ATP9B: variants seen among roughly 807,000 people sequenced by gnomAD.
ATP9B encodes the protein probable phospholipid-transporting ATPase IIB.
ATP9B carries 110 observed loss-of-function variants against 146.1 expected under a neutral mutation model. The observed-to-expected ratio is 0.75, with a 90% confidence interval of 0.65 to 0.88. The LOEUF is 0.88. Ranked by LOEUF, ATP9B falls within the 40% of genes least tolerant of loss-of-function variation. ATP9B has a pLI of 0.00. For missense variants in ATP9B, 1,499 were observed against 1,496.4 expected, an observed-to-expected ratio of 1.00 and a Z score of -0.03; for synonymous variants, 604 against 569.7, an observed-to-expected ratio of 1.06 and a Z score of -0.86.
intron 5 of ATP9B, among the ~76,000 whole-genome samples, chr18:79,128,121 G>A (rs1169777474): frequency 1.4e-5 from 2 of 141,388 alleles, no homozygotes; most frequent in African/African-American, 2.6e-5. Flanking sequence ...GTGCAGTGGC[G>A]CAACCTCTGC....
chr18:79,272,661 C>G (rs1417212899), intron 12 of ATP9B, among the ~76,000 whole-genome samples: 1 of 152,216 alleles, frequency 6.6e-6, no homozygotes, highest in Non-Finnish European at 1.5e-5. Context: ...TGCTCCTCTC[C>G]CTGAGCCCTC....
At chr18:79,241,547 G>C (rs2095889282) in intron 11 of ATP9B, among the ~76,000 whole-genome samples, 1 of 152,140 alleles carries the variant, frequency 6.6e-6, no homozygotes. Context: ...GCTGTTTCTA[G>C]CTCTAACTAC....
At chr18:79,175,463 C>T (rs1043923965) in intron 7 of ATP9B, among the ~76,000 whole-genome samples, 22 of 152,306 alleles carry the variant, frequency 1.4e-4, no homozygotes, top group Non-Finnish European at 2.5e-4. Flanking sequence ...TACACACATA[C>T]ATGCGTACAC....
intron 4 of ATP9B, among the ~76,000 whole-genome samples, chr18:79,122,014 G>GA (rs1421133616): frequency 6.6e-6 from 1 of 152,094 alleles, no homozygotes; most frequent in African/African-American, 2.4e-5. Flanking sequence ...AGTTTAAAGG[G>GA]GTGAAAATTA....
intron 5 of ATP9B, among the ~76,000 whole-genome samples, chr18:79,134,073 C>T (rs759046844): frequency 6.6e-6 from 1 of 152,226 alleles, no homozygotes; most frequent in African/African-American, 2.4e-5. Flanking sequence ...ATGTGACTCT[C>T]CAGCTCCCTG....
At chr18:79,100,363 C>T (rs1293607123) in intron 2 of ATP9B, among the ~76,000 whole-genome samples, 1 of 152,136 alleles carries the variant, frequency 6.6e-6, no homozygotes, top group Non-Finnish European at 1.5e-5. Flanking sequence ...TCATGAGTTT[C>T]TAAACATCAT....
At chr18:79,263,978 G>A (rs1468743344) in intron 12 of ATP9B, among the ~76,000 whole-genome samples, 4 of 152,112 alleles carry the variant, frequency 2.6e-5, no homozygotes, top group Admixed American at 6.5e-5. Flanking sequence ...CCAGCTGCTC[G>A]GGAGGCTGAG....
At chr18:79,265,678 T>C (rs1452347137) in intron 12 of ATP9B, among the ~76,000 whole-genome samples, 1 of 152,170 alleles carries the variant, frequency 6.6e-6, no homozygotes, top group Non-Finnish European at 1.5e-5. Context: ...TTTTTTTTGA[T>C]GTGCAGAGAT....
At chr18:79,236,527 C>G (rs1005517277) in intron 11 of ATP9B, among the ~76,000 whole-genome samples, 2 of 152,146 alleles carry the variant, frequency 1.3e-5, no homozygotes, top group Admixed American at 1.3e-4. Flanking sequence ...TGAAGATACT[C>G]TCTCATATTG....
chr18:79,193,677 A>G (rs183935889), intron 9 of ATP9B, among the ~76,000 whole-genome samples: 63 of 152,256 alleles, frequency 4.1e-4, no homozygotes, highest in African/African-American at 1.3e-3. Context: ...TGTATATTTC[A>G]TGCCACACAC....
At chr18:79,349,529 C>T (rs1196411348) in intron 25 of ATP9B, among the ~76,000 whole-genome samples, 1 of 152,228 alleles carries the variant, frequency 6.6e-6, no homozygotes, top group East Asian at 1.9e-4. Flanking sequence ...AGTCCTTTCT[C>T]CCTGCATAGC....
chr18:79,377,380 CTAAGGG>C lies in ATP9B; in HGVS notation c.3442_*3del. On this transcript the variant is annotated stop_lost and 3_prime_UTR_variant, in exon 30 of 30. Transcript: ENST00000426216. ...CTCCCAGCTACTGCAAGCTGGCCTC[CTAAGGG>C]GCTGTGCACCCCCAGCGGGCTGGCC... The C allele has an allele frequency of 6.2e-7, 1 of 1,607,580 alleles. No individual in the cohort carries two copies. Among genetic ancestry groups the C allele is most frequent in the Non-Finnish European group, 8.5e-7 (1 of 1,179,976 alleles).
At position 79,377,935 on chromosome 18, in the gene ATP9B, G is replaced by A. The variant is rs2097110533; in HGVS notation, c.*552G>A. 6.5e-6 allele frequency: 1 copy of A among 153,544 alleles called. No individual in the cohort carries two copies. Among genetic ancestry groups the A allele is most frequent in the African/African-American group, 2.4e-5 (1 of 41,474 alleles). The allele number at this position is 153,544 out of a possible 1,614,324, so 9.5% of individuals were successfully genotyped here. On this transcript the variant is annotated 3_prime_UTR_variant, in exon 30 of 30. Coordinates refer to ENST00000426216, the MANE Select transcript of ATP9B (RefSeq NM_198531.5). ...TTTCTTTTTTTGTATTGTCAAAATT[G>A]TATTTCCATATTGAAGCAGCTTGAG...
Position 79,372,879 on chromosome 18 carries a change from C to T in ATP9B, c.3067C>T (p.Gln1023Ter), listed in dbSNP as rs777295840. The T allele has an allele frequency of 6.2e-7, 1 of 1,603,000 alleles. No homozygotes were observed. Among genetic ancestry groups the T allele is most frequent in the Non-Finnish European group, 8.5e-7 (1 of 1,169,896 alleles). Residue 1023 changes from glutamine (Q) to a stop codon, truncating the protein, a stop_gained, in exon 27 of 30, where the codon CAA becomes TAA. Coordinates refer to ENST00000426216, the MANE Select transcript of ATP9B (RefSeq NM_198531.5). LOFTEE classifies it high-confidence loss of function. Reference sequence around the variant, plus strand: ...CATCTGGGTTTTAATAAGTATTTACCAAGGTAAGACGAGATCCTTAGTTTA... The same window carrying T: ...CATCTGGGTTTTAATAAGTATTTACTAAGGTAAGACGAGATCCTTAGTTTA... Reference protein sequence around the residue: ...FLIWVLISIYQGGILMYGALV... With the variant: ...FLIWVLISIY
intron 5 of ATP9B, among the ~76,000 whole-genome samples, chr18:79,135,499 T>C (rs1018267702): frequency 6.6e-6 from 1 of 152,210 alleles, no homozygotes; most frequent in Non-Finnish European, 1.5e-5. Context: ...TAGTTTTGGC[T>C]CCTGTAGCCT....
chr18:79,139,872 TG>T (rs2032833556), intron 5 of ATP9B, among the ~76,000 whole-genome samples: 1 of 152,206 alleles, frequency 6.6e-6, no homozygotes, highest in African/African-American at 2.4e-5. Context: ...TCTGTCTCCA[TG>T]AGTTTAATTT....
chr18:79,175,488 A>T (rs193178021), intron 7 of ATP9B, among the ~76,000 whole-genome samples: 76 of 152,360 alleles, frequency 5.0e-4, no homozygotes, highest in Middle Eastern at 3.4e-3. Flanking sequence ...ATATGTGCAC[A>T]CACACAGAAG....
intron 12 of ATP9B, among the ~76,000 whole-genome samples, chr18:79,258,191 T>C (rs2096102989): frequency 6.6e-6 from 1 of 152,110 alleles, no homozygotes; most frequent in African/African-American, 2.4e-5. Flanking sequence ...AAATAGAAAA[T>C]AGGGCAGGCT....
rs377523686 is a variant in ATP9B at position 79,347,968 on chromosome 18, AGGAAGGGCAGGGTCCG to A, written c.2838+63_2838+78del. On this transcript the variant is annotated intron_variant, in intron 24 of 29. Coordinates refer to ENST00000426216, the MANE Select transcript of ATP9B (RefSeq NM_198531.5). Reference sequence around the variant, plus strand: ...CTGGCACCCATGGAGGGCAGGGTCCAGGAAGGGCAGGGTCCGGGAAGGGCAGGGTCCGGGAGTGGGG... The same window carrying A: ...CTGGCACCCATGGAGGGCAGGGTCCAGGAAGGGCAGGGTCCGGGAGTGGGG... The A allele has an allele frequency of 2.4e-4, 386 of 1,605,314 alleles. 3 individuals carry two copies. The South Asian group carries it at 2.4e-3, about 10-fold the overall frequency.
Sources: gnomAD v4.1 joint callset for allele counts (sites outside exome capture counted in the v4.1 genomes callset) on GRCh38, gnomAD v4.1.1 for gene constraint, MANE v1.5 for transcripts, NCBI Gene and HGNC (gene_info 2026-07-23, HGNC 2026-07-21) for gene names.